XYLT1: variants seen among roughly 807,000 people sequenced by gnomAD.
XYLT1 encodes beta-D-xylosyltransferase 1.
Under a neutral mutation model 91.3 loss-of-function variants are expected in XYLT1, and 36 were observed. The observed-to-expected ratio is 0.39, with a 90% confidence interval of 0.30 to 0.52. The LOEUF (loss-of-function observed/expected upper bound fraction) is 0.52. Ranked by LOEUF, XYLT1 falls within the 20% of genes least tolerant of loss-of-function variation. The pLI is 0.68. For synonymous variants in XYLT1, 588 were observed against 532.0 expected (o/e 1.11, Z -1.45); for missense variants, 1,242 against 1,284.5 (o/e 0.97, Z 0.51).
intron 6 of XYLT1, among the ~76,000 whole-genome samples, chr16:17,146,517 G>A (rs1414272038): frequency 6.6e-6 from 1 of 152,164 alleles, no homozygotes; most frequent in African/African-American, 2.4e-5. Flanking sequence ...ATGGAAGCGT[G>A]TGAAGCAGCC....
rs370826360 is a variant in XYLT1 at position 17,312,418 on chromosome 16, G to A, written c.402+45594C>T. On this transcript the variant is annotated intron_variant, in intron 2 of 11. Transcript: ENST00000261381. This position sits in a 1 kb window ranked among gnomAD's most constrained non-coding sequence, Gnocchi z 4.4. ...ATTCCTGTAGCGCTTACCATGTATG[G>A]GGTCTTGTCTCAGGGCCTTACCCGC... is the stretch of plus-strand genomic sequence containing the variant. Among the ~76,000 whole-genome samples the A allele has an allele frequency of 6.6e-6, 1 of 152,166 alleles. No homozygotes were observed. The highest frequency in any genetic ancestry group is 2.1e-4 in the South Asian group (1 of 4,820).
chr16:17,408,712 G>A (rs1191971543), intron 1 of XYLT1, among the ~76,000 whole-genome samples: 1 of 152,196 alleles, frequency 6.6e-6, no homozygotes, highest in East Asian at 1.9e-4. Context: ...TGGGCGTGCT[G>A]GCACAGGCCT....
At chr16:17,400,345 C>A (rs1396342020) in intron 1 of XYLT1, among the ~76,000 whole-genome samples, 2 of 152,136 alleles carry the variant, frequency 1.3e-5, no homozygotes, top group East Asian at 3.9e-4. Flanking sequence ...AATCCCAGCA[C>A]TTTGGGAGGC....
In XYLT1 at chr16:17,465,143, C is replaced by CAAAAA. The variant is rs35623153; in HGVS notation, c.363+5286_363+5290dup. Reference sequence around the variant, plus strand: ...TGGGTGACAGAGCAAGATGCTGTCTCAAAAAAAAAAAAAAAAAAAAAAAAA... The same window carrying CAAAAA: ...TGGGTGACAGAGCAAGATGCTGTCTCAAAAAAAAAAAAAAAAAAAAAAAAAAAAAA... On this transcript the variant is annotated intron_variant, in intron 1 of 11. Coordinates refer to ENST00000261381, the MANE Select transcript of XYLT1 (RefSeq NM_022166.4). Among the ~76,000 whole-genome samples the CAAAAA allele has an allele frequency of 8.4e-4, 30 of 35,854 alleles. 1 individual carries two copies. Among genetic ancestry groups the CAAAAA allele is most frequent in the East Asian group, 5.7e-3 (6 of 1,052 alleles). 23.5% of individuals were successfully genotyped at this position (35,854 alleles called of 152,430 possible). A position where few individuals can be genotyped will look rare whatever the true frequency, so the allele number is the denominator to read the frequency against.
chr16:17,171,022 T>C (rs1399799708), intron 5 of XYLT1, among the ~76,000 whole-genome samples: 1 of 152,164 alleles, frequency 6.6e-6, no homozygotes, highest in Non-Finnish European at 1.5e-5. Flanking sequence ...TAAGAGGGAA[T>C]AATCTGTTGC....
chr16:17,284,441 A>G (rs1341522488), intron 2 of XYLT1, among the ~76,000 whole-genome samples: 1 of 152,180 alleles, frequency 6.6e-6, no homozygotes, highest in African/African-American at 2.4e-5. Flanking sequence ...GTCCAATATG[A>G]TATGACCTGG....
chr16:17,184,185 CTTT>C (rs71390593), intron 5 of XYLT1, among the ~76,000 whole-genome samples: 11,133 of 107,364 alleles, frequency 0.1, 416 homozygotes, highest in Middle Eastern at 0.15. Flanking sequence ...TAAAAGACGG[CTTT>C]TTTTTTTTTT....
chr16:17,379,763 T>TCTTTCACACACACACACA (rs373354877), intron 1 of XYLT1, among the ~76,000 whole-genome samples: 1 of 125,546 alleles, frequency 8.0e-6, no homozygotes, highest in African/African-American at 3.2e-5. Flanking sequence ...TCTCTCTCTC[T>TCTTTCACACACACACACA]CACACACACA....
chr16:17,420,046 T>A (rs1006633716), intron 1 of XYLT1, among the ~76,000 whole-genome samples: 2 of 152,226 alleles, frequency 1.3e-5, no homozygotes, highest in African/African-American at 4.8e-5. Context: ...TGAAGTTTAT[T>A]CAAAGCAGCA....
intron 2 of XYLT1, among the ~76,000 whole-genome samples, chr16:17,308,032 G>A (rs945536360): frequency 2.6e-5 from 4 of 152,214 alleles, no homozygotes; most frequent in African/African-American, 9.6e-5. Flanking sequence ...TATGCTGGTG[G>A]TGGGATATAC....
intron 9 of XYLT1, among the ~76,000 whole-genome samples, chr16:17,129,149 G>A (rs1348322203): frequency 6.6e-6 from 1 of 150,792 alleles, no homozygotes; most frequent in African/African-American, 2.4e-5. Context: ...ATGCAAACCT[G>A]TTTTAAATCT....
At chr16:17,148,585 AACTAG>A (rs1206167706) in intron 6 of XYLT1, among the ~76,000 whole-genome samples, 1 of 152,222 alleles carries the variant, frequency 6.6e-6, no homozygotes, top group Non-Finnish European at 1.5e-5. Context: ...GACTTTCGTT[AACTAG>A]GTATTGGATC....
At chr16:17,357,200 C>T (rs933828220) in intron 2 of XYLT1, among the ~76,000 whole-genome samples, 4 of 66,304 alleles carry the variant, frequency 6.0e-5, no homozygotes, top group Non-Finnish European at 6.4e-5. Context: ...AAAAAAAAAA[C>T]GCTACCACTC....
At chr16:17,310,757 G>C (rs1319111160) in intron 2 of XYLT1, among the ~76,000 whole-genome samples, 3 of 152,194 alleles carry the variant, frequency 2.0e-5, no homozygotes, top group Non-Finnish European at 4.4e-5. Context: ...GCTGAGGCAG[G>C]AGAATCACTT....
At chr16:17,138,606 A>C in intron 7 of XYLT1, 75 bp from the exon 8 acceptor site, 1 of 1,545,654 alleles carries the variant, frequency 6.5e-7, no homozygotes, top group Non-Finnish European at 8.9e-7. Context: ...GAAATGGTGA[A>C]CCCTTGCTCT....
chr16:17,447,530 A>G (rs1405296272), intron 1 of XYLT1, among the ~76,000 whole-genome samples: 1 of 152,250 alleles, frequency 6.6e-6, no homozygotes, highest in Non-Finnish European at 1.5e-5. Context: ...CCTGCTGCTG[A>G]GTTCATGGGT....
chr16:17,258,979 G>A lies in XYLT1; in HGVS notation c.913+9C>T, dbSNP rs79173410. 18,383 of 1,495,968 alleles carry A rather than the reference G, an allele frequency of 0.012. 546 individuals are homozygous for A. In the Admixed American group the frequency reaches 0.13, roughly 11 times the overall value. 92.7% of individuals were successfully genotyped at this position (1,495,968 alleles called of 1,614,324 possible). On this transcript the variant is annotated intron_variant, in intron 3 of 11. Transcript: ENST00000261381. ...GATCCCTCTCTGAGCCAGCGGGGTT[G>A]GAACTTACCCTCGAGGGGGCAGAAC... is the stretch of plus-strand genomic sequence containing the variant.
chr16:17,389,679 C>T (rs371744081), intron 1 of XYLT1, among the ~76,000 whole-genome samples: 14 of 152,236 alleles, frequency 9.2e-5, no homozygotes, highest in African/African-American at 2.9e-4. Flanking sequence ...TAGTCCCTGG[C>T]GATTGAGAAG....
chr16:17,309,291 C>T (rs2034511152), intron 2 of XYLT1, among the ~76,000 whole-genome samples: 1 of 152,204 alleles, frequency 6.6e-6, no homozygotes, highest in Non-Finnish European at 1.5e-5. Flanking sequence ...AAAAAAATGT[C>T]TCTGGACATT....
Sources: gnomAD v4.1 joint callset for allele counts (sites outside exome capture counted in the v4.1 genomes callset) on GRCh38, gnomAD v4.1.1 for gene constraint, Gnocchi (gnomAD v3.1) non-coding constraint, MANE v1.5 for transcripts, NCBI Gene and HGNC (gene_info 2026-07-23, HGNC 2026-07-21) for gene names.